VTA1: variants seen among roughly 807,000 people sequenced by gnomAD.
VTA1 encodes the protein vacuolar protein sorting-associated protein VTA1 homolog.
In VTA1, 24 loss-of-function variants were observed where a neutral mutation model predicts 36.9. The observed-to-expected ratio is 0.65, with a 90% CI of 0.47 to 0.91. VTA1 has a LOEUF of 0.91. Among genes scored for constraint, VTA1 ranks in the 40% least tolerant of loss-of-function variants. VTA1 has a pLI of 0.00. For synonymous variants in VTA1, 142 were observed against 130.2 expected (o/e 1.09, Z -0.62); for missense variants, 393 against 377.2 (o/e 1.04, Z -0.35).
At chr6:142,212,230 A>C (rs1582906394) in intron 7 of VTA1, among the ~76,000 whole-genome samples, 1 of 152,376 alleles carries the variant, frequency 6.6e-6, no homozygotes, top group Non-Finnish European at 1.5e-5. Flanking sequence ...TTATAGCAGC[A>C]ATGTTTACAA....
At chr6:142,212,384 A>G (rs2114687037) in intron 7 of VTA1, among the ~76,000 whole-genome samples, 1 of 152,348 alleles carries the variant, frequency 6.6e-6, no homozygotes, top group Non-Finnish European at 1.5e-5. Flanking sequence ...GGAAACTTAA[A>G]TGCATATTAC....
Position 142,216,536 on chromosome 6 carries a change from A to G in VTA1, c.779-1962A>G, listed in dbSNP as rs560895222. Among the ~76,000 whole-genome samples, 13 of 152,266 alleles carry G rather than the reference A, an allele frequency of 8.5e-5. No homozygotes were observed. In the South Asian group the frequency reaches 2.1e-3, roughly 24 times the overall value. Reference sequence around the variant, plus strand: ...GTTACTTAGTTCTTGTATTTTATATATGAGTTACATAATTGGTTATGCATG... The same window carrying G: ...GTTACTTAGTTCTTGTATTTTATATGTGAGTTACATAATTGGTTATGCATG... On this transcript the variant is annotated intron_variant, in intron 7 of 7. Transcript: ENST00000367630.
chr6:142,167,887 A>T (rs570757405), intron 2 of VTA1, among the ~76,000 whole-genome samples: 1 of 152,168 alleles, frequency 6.6e-6, no homozygotes, highest in African/African-American at 2.4e-5. Context: ...GTAAAATCCA[A>T]CTCTAGCATT....
chr6:142,183,932 G>T (rs1775293814), intron 4 of VTA1, among the ~76,000 whole-genome samples: 1 of 152,088 alleles, frequency 6.6e-6, no homozygotes, highest in African/African-American at 2.4e-5. Context: ...ACTCAAATTG[G>T]TTTAAACTTC....
intron 1 of VTA1, among the ~76,000 whole-genome samples, chr6:142,149,356 G>GT (rs1778520994): frequency 6.6e-6 from 1 of 152,116 alleles, no homozygotes; most frequent in African/African-American, 2.4e-5. Flanking sequence ...TGTGCAGACA[G>GT]TTTAAGGAAT....
intron 5 of VTA1, among the ~76,000 whole-genome samples, chr6:142,192,153 A>C (rs1191311507): frequency 6.6e-6 from 1 of 152,032 alleles, no homozygotes; most frequent in Admixed American, 6.5e-5. Flanking sequence ...ATACTTTTTC[A>C]CCTTTAAGAA....
intron 5 of VTA1, among the ~76,000 whole-genome samples, chr6:142,192,041 C>A (rs1775465287): frequency 6.6e-6 from 1 of 151,910 alleles, no homozygotes; most frequent in Non-Finnish European, 1.5e-5. Flanking sequence ...AAAGAGTATA[C>A]ACTTTTGAAA....
intron 5 of VTA1, among the ~76,000 whole-genome samples, chr6:142,195,388 T>C (rs1466851056): frequency 6.6e-6 from 1 of 152,040 alleles, no homozygotes; most frequent in Non-Finnish European, 1.5e-5. Context: ...TTGTCTTCAC[T>C]GTCCTTTTAA....
chr6:142,197,531 C>T (rs534918596), intron 5 of VTA1, among the ~76,000 whole-genome samples: 160 of 152,094 alleles, frequency 1.1e-3, no homozygotes, highest in Non-Finnish European at 1.8e-3. Context: ...TAAAAGTTTG[C>T]ATTTCAGAAC....
chr6:142,189,381 T>G lies in VTA1; in HGVS notation c.412-45T>G, dbSNP rs1365161519. The G allele has an allele frequency of 2.1e-6, 3 of 1,458,204 alleles. No individual in the cohort carries two copies. In the South Asian group the frequency reaches 3.6e-5, roughly 18 times the overall value. The allele number at this position is 1,458,204 out of a possible 1,614,324, so 90.3% of individuals were successfully genotyped here. On this transcript the variant is annotated intron_variant, in intron 4 of 7. Coordinates refer to ENST00000367630, the MANE Select transcript of VTA1 (RefSeq NM_016485.5). ...GTCATCATAAATGTTTACTTTTTACTTCTTTACCATAGTCCAATGTTGATA... is the reference window on the plus strand; with the variant it reads ...GTCATCATAAATGTTTACTTTTTACGTCTTTACCATAGTCCAATGTTGATA...
At position 142,223,112 on chromosome 6, in the gene VTA1, G is replaced by A. The variant is rs185107663; in HGVS notation, c.*4469G>A. 1.8e-3 allele frequency: 274 copies of A among 152,268 alleles called. 2 individuals carry two copies. Among genetic ancestry groups the A allele is most frequent in the African/African-American group, 5.9e-3 (244 of 41,558 alleles). 9.4% of individuals were successfully genotyped at this position (152,268 alleles called of 1,614,324 possible). A position where few individuals can be genotyped will look rare whatever the true frequency, so the allele number is the denominator to read the frequency against. On this transcript the variant is annotated 3_prime_UTR_variant, in exon 8 of 8. Coordinates refer to ENST00000367630, the MANE Select transcript of VTA1 (RefSeq NM_016485.5). ...ATTGGACAGTTCCTTTTATTAGTGA[G>A]GTGTTAGCACCTAAATTTTTCTATT...
intron 1 of VTA1, among the ~76,000 whole-genome samples, chr6:142,156,821 T>C (rs1251085581): frequency 1.3e-5 from 2 of 152,230 alleles, no homozygotes; most frequent in African/African-American, 4.8e-5. Context: ...AATGTTAATT[T>C]AGTGTAAATG....
rs118106510 is a variant in VTA1, at chr6:142,157,191, T to C, written c.113-9037T>C. On this transcript the variant is annotated intron_variant, in intron 1 of 7. Transcript: ENST00000367630. The stretch of plus-strand genomic sequence containing the variant: ...AAAATGATAATAATAATAACTTGCC[T>C]CTTACTATTTTTTGTTGGGTTAATC... Among the ~76,000 whole-genome samples the C allele has an allele frequency of 4.3e-3, 658 of 152,346 alleles. 1 individual carries two copies. The highest frequency in any genetic ancestry group is 6.6e-3 in the Non-Finnish European group (450 of 68,030).
chr6:142,162,248 G>A (rs1474820238), intron 1 of VTA1, among the ~76,000 whole-genome samples: 1 of 152,154 alleles, frequency 6.6e-6, no homozygotes, highest in Non-Finnish European at 1.5e-5. Flanking sequence ...TGTCACTAAA[G>A]CCAAGGGCAG....
At position 142,170,435 on chromosome 6, in the gene VTA1, C is replaced by T; in HGVS notation, c.411+14C>T. 2.0e-6 allele frequency: 3 copies of T among 1,523,946 alleles called. No homozygotes were observed. Among genetic ancestry groups the T allele is most frequent in the East Asian group, 4.6e-5 (2 of 43,180 alleles). 94.4% of individuals were successfully genotyped at this position (1,523,946 alleles called of 1,614,324 possible). A position where few individuals can be genotyped will look rare whatever the true frequency, so the allele number is the denominator to read the frequency against. Reference sequence around the variant, plus strand: ...CTCACTGATGAAGTGAGTGTACATTCTTTATTGTCTTATTAGCTGAAGATC... The same window carrying T: ...CTCACTGATGAAGTGAGTGTACATTTTTTATTGTCTTATTAGCTGAAGATC... On this transcript the variant is annotated intron_variant, in intron 4 of 7. Transcript: ENST00000367630.
chr6:142,206,513 G>A (rs551912223), intron 7 of VTA1, among the ~76,000 whole-genome samples: 14 of 152,294 alleles, frequency 9.2e-5, no homozygotes, highest in African/African-American at 2.6e-4. Context: ...CAAGATGTTA[G>A]TTCTTCCCAG....
At chr6:142,197,067 A>G (rs1775565509) in intron 5 of VTA1, among the ~76,000 whole-genome samples, 1 of 152,184 alleles carries the variant, frequency 6.6e-6, no homozygotes, top group Admixed American at 6.5e-5. Flanking sequence ...ACATAAAATC[A>G]AATGTTACCT....
In VTA1 at chr6:142,185,693, T is replaced by C. The variant is rs190967175; in HGVS notation, c.412-3733T>C. On this transcript the variant is annotated intron_variant, in intron 4 of 7. Transcript: ENST00000367630. Reference sequence around the variant, plus strand: ...GAAGAAAAAGGTGAACCACAGGATATTGCTGTTTCTGTAGGCCTAAAACAC... The same window carrying C: ...GAAGAAAAAGGTGAACCACAGGATACTGCTGTTTCTGTAGGCCTAAAACAC... Among the ~76,000 whole-genome samples, 506 of 152,336 alleles carry C rather than the reference T, an allele frequency of 3.3e-3. 2 individuals carry two copies. Among genetic ancestry groups the C allele is most frequent in the African/African-American group, 0.012 (484 of 41,598 alleles).
chr6:142,150,128 T>TG (rs1182636884), intron 1 of VTA1, among the ~76,000 whole-genome samples: 1 of 152,244 alleles, frequency 6.6e-6, no homozygotes, highest in Non-Finnish European at 1.5e-5. Context: ...TAGTTTCTTG[T>TG]TACTGATATT....
Sources: gnomAD v4.1 joint callset for allele counts (sites outside exome capture counted in the v4.1 genomes callset) on GRCh38, gnomAD v4.1.1 for gene constraint, MANE v1.5 for transcripts, NCBI Gene and HGNC (gene_info 2026-07-23, HGNC 2026-07-21) for gene names.